Variants in SPATA21 observed in about 807,000 individuals in gnomAD.
SPATA21 encodes the protein spermatogenesis-associated protein 21.
In SPATA21, 47 loss-of-function variants were observed where a neutral mutation model predicts 54.8. The ratio of observed to expected loss-of-function variants is 0.86; its 90% CI spans 0.68 to 1.09. SPATA21 has a LOEUF of 1.09. Among genes scored for constraint, SPATA21 ranks in the 50% least tolerant of loss-of-function variants. SPATA21 has a pLI of 0.00. For synonymous variants in SPATA21, 245 were observed against 235.3 expected (o/e 1.04, Z -0.38); for missense variants, 599 against 596.4 (o/e 1.00, Z -0.05).
Position 16,421,777 on chromosome 1 carries a change from G to T in SPATA21, c.95+134C>A. 7.3e-7 allele frequency: 1 copy of T among 1,365,958 alleles called. No individual in the cohort carries two copies. Among genetic ancestry groups the T allele is most frequent in the Non-Finnish European group, 1.0e-6 (1 of 971,350 alleles). The allele number at this position is 1,365,958 out of a possible 1,614,324, so 84.6% of individuals were successfully genotyped here. A position where few individuals can be genotyped will look rare whatever the true frequency, so the allele number is the denominator to read the frequency against. The stretch of plus-strand genomic sequence containing the variant: ...GCCATTACACAGATGGGGAAATTGA[G>T]ACCCAGCGGAGCATGACTTGCCCAA... On this transcript the variant is annotated intron_variant, in intron 4 of 12. Transcript: ENST00000335496. This position sits in a 1 kb window ranked among gnomAD's most constrained non-coding sequence, Gnocchi z 5.2.
intron 12 of SPATA21, 129 bp from the exon 13 acceptor site, chr1:16,398,951 G>T: frequency 9.9e-7 from 1 of 1,007,520 alleles, no homozygotes; most frequent in Non-Finnish European, 1.4e-6. Context: ...GGTGGAACCA[G>T]CAGTTGTGCT....
intron 3 of SPATA21, among the ~76,000 whole-genome samples, chr1:16,430,721 G>A (rs900392868): frequency 6.6e-6 from 1 of 152,116 alleles, no homozygotes; most frequent in Non-Finnish European, 1.5e-5. Context: ...CAGCCCATGG[G>A]GCTCAGTGGA....
rs2086382723 is a variant in SPATA21, at chr1:16,428,709, A to G, written c.34+2629T>C. ...GTTTTGATCACTATCATGGTCTGTC[A>G]CTCTCCAACTGGGTGACCTGGAGCC... On this transcript the variant is annotated intron_variant, in intron 3 of 12. Coordinates refer to ENST00000335496, the MANE Select transcript of SPATA21 (RefSeq NM_198546.1). The surrounding 1 kb of genome is among the most constrained non-coding windows in gnomAD (Gnocchi z 4.3). Among the ~76,000 whole-genome samples the G allele has an allele frequency of 6.6e-6, 1 of 151,760 alleles. No homozygotes were observed. The highest frequency in any genetic ancestry group is 1.5e-5 in the Non-Finnish European group (1 of 67,932).
At chr1:16,435,975 T>C (rs2086576341) in intron 1 of SPATA21, among the ~76,000 whole-genome samples, 1 of 152,172 alleles carries the variant, frequency 6.6e-6, no homozygotes, top group Admixed American at 6.6e-5. Context: ...TTTATCGGCC[T>C]GGTGCGGTGG....
rs181846320 is a variant in SPATA21, at chr1:16,421,013, C to G, written c.144+496G>C. 2.8e-4 allele frequency among the ~76,000 whole-genome samples: 43 copies of G among 152,156 alleles called. No homozygotes were observed. Among genetic ancestry groups the G allele is most frequent in the African/African-American group, 9.9e-4 (41 of 41,510 alleles). The stretch of plus-strand genomic sequence containing the variant: ...GGTGGGGTTTTGCCAATGAACAGAA[C>G]AGGATGAGACAGGGCAGATGCTGGC... On this transcript the variant is annotated intron_variant, in intron 5 of 12. Coordinates refer to ENST00000335496, the MANE Select transcript of SPATA21 (RefSeq NM_198546.1). This position sits in a 1 kb window ranked among gnomAD's most constrained non-coding sequence, Gnocchi z 5.2.
At chr1:16,402,246 A>ATTTTTTT (rs780999908) in intron 10 of SPATA21, among the ~76,000 whole-genome samples, 1 of 73,388 alleles carries the variant, frequency 1.4e-5, no homozygotes, top group Non-Finnish European at 2.7e-5. Flanking sequence ...CTGAGCTGCC[A>ATTTTTTT]TTCTTTTTTT....
At chr1:16,419,974 T>C (rs1364080167) in intron 5 of SPATA21, among the ~76,000 whole-genome samples, 3 of 151,804 alleles carry the variant, frequency 2.0e-5, no homozygotes, top group African/African-American at 4.8e-5. Context: ...CCTGAAGATA[T>C]GGATTTGGGA....
intron 7 of SPATA21, among the ~76,000 whole-genome samples, chr1:16,407,941 G>T (rs12045390): frequency 0.34 from 52,377 of 151,940 alleles, 9,878 homozygotes; most frequent in East Asian, 0.67. Context: ...AATTTTTAAA[G>T]TTTTTGTAGA....
chr1:16,411,738 C>G (rs1331850189), intron 5 of SPATA21, among the ~76,000 whole-genome samples: 2 of 147,840 alleles, frequency 1.4e-5, no homozygotes, highest in Non-Finnish European at 3.0e-5. Context: ...TGCAGTGAGC[C>G]GAGACCGCGC....
At chr1:16,423,545 T>C (rs2086233125) in intron 3 of SPATA21, among the ~76,000 whole-genome samples, 1 of 137,002 alleles carries the variant, frequency 7.3e-6, no homozygotes, top group Non-Finnish European at 1.6e-5. Context: ...TCTCCTTTTT[T>C]TTTTTTTTTT....
chr1:16,426,132 G>A (rs996898905), intron 3 of SPATA21, among the ~76,000 whole-genome samples: 4 of 152,114 alleles, frequency 2.6e-5, no homozygotes, highest in African/African-American at 4.8e-5. Flanking sequence ...GAGAGGACAA[G>A]AGATTTGAGC....
Position 16,409,520 on chromosome 1 carries a change from G to T in SPATA21, c.587+81C>A. 1 of 1,442,216 alleles carries T rather than the reference G, an allele frequency of 6.9e-7. No homozygotes were observed. The highest frequency in any genetic ancestry group is 9.4e-7 in the Non-Finnish European group (1 of 1,067,402). 89.3% of individuals were successfully genotyped at this position (1,442,216 alleles called of 1,614,324 possible). On this transcript the variant is annotated intron_variant, in intron 6 of 12. Transcript: ENST00000335496. This position sits in a 1 kb window ranked among gnomAD's most constrained non-coding sequence, Gnocchi z 4.1. ...ACACACGAGGGAACAGGCAGGTGCAGGGACAGGGACCTGCATCCGGGACAA... is the reference window on the plus strand; with the variant it reads ...ACACACGAGGGAACAGGCAGGTGCATGGACAGGGACCTGCATCCGGGACAA...
At chr1:16,423,865 G>A (rs2086242854) in intron 3 of SPATA21, among the ~76,000 whole-genome samples, 1 of 152,016 alleles carries the variant, frequency 6.6e-6, no homozygotes, top group African/African-American at 2.4e-5. Context: ...AAATAGTCAT[G>A]TGGAGTGAAC....
intron 3 of SPATA21, chr1:16,424,861 C>A (rs900197857): frequency 5.1e-6 from 1 of 196,502 alleles, no homozygotes; most frequent in African/African-American, 2.4e-5. Context: ...CCTCCTCCCT[C>A]CCCCCTGCAC....
In SPATA21 at chr1:16,421,520, G is replaced by A. The variant is rs1469092721; in HGVS notation, c.133C>T (p.Leu45Phe). Residue 45 changes from leucine to phenylalanine, a missense_variant, in exon 5 of 13, where the codon CTT becomes TTT. Transcript: ENST00000335496. This position sits in a 1 kb window ranked among gnomAD's most constrained non-coding sequence, Gnocchi z 5.2. Reference sequence around the variant, plus strand: ...ATGGCCCTACTTACTGGTGGAGGAAGAGGCCCCGGTGCTGGGTGGGTCTCC... The same window carrying A: ...ATGGCCCTACTTACTGGTGGAGGAAAAGGCCCCGGTGCTGGGTGGGTCTCC... ...AVETHPAPGP[L>F]PPPEVRDIGE... is the part of the protein sequence containing the mutation. The A allele has an allele frequency of 6.2e-7, 1 of 1,613,568 alleles. No homozygotes were observed. The highest frequency in any genetic ancestry group is 1.7e-5 in the Admixed American group (1 of 59,948).
chr1:16,419,781 A>C (rs1486731355), intron 5 of SPATA21, among the ~76,000 whole-genome samples: 1 of 152,068 alleles, frequency 6.6e-6, no homozygotes, highest in Non-Finnish European at 1.5e-5. Context: ...CTTTACTAAA[A>C]ATACAAAAAT....
chr1:16,408,598 C>T (rs1023256480), intron 7 of SPATA21: 11 of 921,670 alleles, frequency 1.2e-5, no homozygotes, highest in Non-Finnish European at 1.4e-5. Context: ...CGAGGCTGGG[C>T]GCGGTGGCTC....
At chr1:16,398,171 G>T, downstream of SPATA21, 2 of 242,026 alleles carry the variant, frequency 8.3e-6, no homozygotes, top group Non-Finnish European at 1.3e-5. Context: ...TTCAGTCCCT[G>T]CCCTCTACCT....
Position 16,421,710 on chromosome 1 carries a change from T to A in SPATA21, c.96-153A>T. ...GGGGGCTCCTTATGTCCCCACATCC[T>A]CATATATACAGGCTCACGGAACCAA... On this transcript the variant is annotated intron_variant, in intron 4 of 12. Coordinates refer to ENST00000335496, the MANE Select transcript of SPATA21 (RefSeq NM_198546.1). This position sits in a 1 kb window ranked among gnomAD's most constrained non-coding sequence, Gnocchi z 5.2. 6.6e-6 allele frequency among the ~76,000 whole-genome samples: 1 copy of A among 152,040 alleles called. No individual in the cohort carries two copies. Among genetic ancestry groups the A allele is most frequent in the African/African-American group, 2.4e-5 (1 of 41,408 alleles).
Sources: allele counts gnomAD v4.1 joint callset (sites outside exome capture counted in the v4.1 genomes callset), GRCh38; gene constraint gnomAD v4.1.1; non-coding constraint Gnocchi (gnomAD v3.1); transcripts MANE v1.5; gene names NCBI Gene and HGNC (gene_info 2026-07-23, HGNC 2026-07-21).